ZNF737: variants seen among roughly 807,000 people sequenced by gnomAD.
The protein encoded by ZNF737 is zinc finger protein 737, also known as zinc finger protein 102 (Y3).
ZNF737 carries 13 observed loss-of-function variants against 11.7 expected under a neutral mutation model. That is an observed-to-expected ratio of 1.11 (90% CI 0.73 to 1.77). The LOEUF (loss-of-function observed/expected upper bound fraction) is 1.77. Among genes scored for constraint, ZNF737 ranks in the 40% most tolerant of loss-of-function variants. The pLI is 0.00. For missense variants in ZNF737, 636 were observed against 638.0 expected (o/e 1.00, Z 0.03); for synonymous variants, 217 against 216.2 (o/e 1.00, Z -0.03).
intron 3 of ZNF737, among the ~76,000 whole-genome samples, chr19:20,548,962 G>A (rs1167553002): frequency 5.6e-3 from 480 of 86,244 alleles, no homozygotes; most frequent in Admixed American, 6.4e-3. Context: ...AAGAAAAACT[G>A]AAAAAAAAAA....
At position 20,545,076 on chromosome 19, in the gene ZNF737, T is replaced by C; in HGVS notation, c.1127A>G (p.Lys376Arg). Residue 376 changes from lysine to arginine, a missense_variant, in exon 4 of 4, where the codon AAA (lysine) becomes AGA (arginine). Transcript: ENST00000427401. Reference protein sequence around the residue: ...EKPYKCEECGKAFNWSSHLTT... With the variant: ...EKPYKCEECGRAFNWSSHLTT... ...AAGGTGTGAGGACCAGTTGAAGGCT[T>C]TGCCACATTCTTCACATTTGTAGGG... 6.2e-7 allele frequency: 1 copy of C among 1,612,680 alleles called. No homozygotes were observed.
At chr19:20,563,543 T>C (rs1261150127) in intron 1 of ZNF737, among the ~76,000 whole-genome samples, 1 of 148,372 alleles carries the variant, frequency 6.7e-6, no homozygotes, top group Non-Finnish European at 1.5e-5. Flanking sequence ...TGGAGTTCAA[T>C]GGCATGATCT....
downstream of ZNF737, among the ~76,000 whole-genome samples, chr19:20,531,012 G>T (rs186497946): frequency 6.7e-6 from 1 of 148,194 alleles, no homozygotes; most frequent in East Asian, 2.0e-4. Context: ...GATCACTCGC[G>T]GTTAGGAGCT....
At chr19:20,557,265 G>A (rs1555761417) in intron 1 of ZNF737, among the ~76,000 whole-genome samples, 1 of 152,066 alleles carries the variant, frequency 6.6e-6, no homozygotes, top group Non-Finnish European at 1.5e-5. Flanking sequence ...GAAATTGTGA[G>A]CACCAGCTCT....
At chr19:20,549,917 G>A (rs1555757969) in intron 3 of ZNF737, among the ~76,000 whole-genome samples, 1 of 136,988 alleles carries the variant, frequency 7.3e-6, no homozygotes, top group East Asian at 2.1e-4. Flanking sequence ...GTGACAGAGT[G>A]TGACTCCATC....
At chr19:20,561,894 G>A (rs1472884865) in intron 1 of ZNF737, among the ~76,000 whole-genome samples, 1 of 152,200 alleles carries the variant, frequency 6.6e-6, no homozygotes, top group African/African-American at 2.4e-5. Flanking sequence ...AACCACTGCA[G>A]TGATGTTTAA....
At chr19:20,555,232 G>C (rs1175656943) in intron 1 of ZNF737, among the ~76,000 whole-genome samples, 1 of 150,926 alleles carries the variant, frequency 6.6e-6, no homozygotes. Flanking sequence ...GCCCAGGCTG[G>C]AGTGCAGTGG....
rs564905433 is a variant in ZNF737 at position 20,544,446 on chromosome 19, G to C, written c.*146C>G. The C allele has an allele frequency of 3.4e-6, 5 of 1,478,034 alleles. No homozygotes were observed. The highest frequency in any genetic ancestry group is 1.4e-5 in the African/African-American group (1 of 70,532). 91.6% of individuals were successfully genotyped at this position (1,478,034 alleles called of 1,614,324 possible). Reference sequence around the variant, plus strand: ...TATTTGTTGGGTTTCTTTCCCGCATGAATTATCTAATGTCTACTAAGGTTT... The same window carrying C: ...TATTTGTTGGGTTTCTTTCCCGCATCAATTATCTAATGTCTACTAAGGTTT... On this transcript the variant is annotated 3_prime_UTR_variant, in exon 4 of 4. Coordinates refer to ENST00000427401, the MANE Select transcript of ZNF737 (RefSeq NM_001159293.2).
chr19:20,531,772 A>G (rs573929709), downstream of ZNF737, among the ~76,000 whole-genome samples: 10 of 150,166 alleles, frequency 6.7e-5, no homozygotes, highest in Non-Finnish European at 8.9e-5. Context: ...ATTACTTTTT[A>G]TCTCACTATT....
rs1296015183 is a variant in ZNF737, at chr19:20,541,380, A to C, written c.*3212T>G. Reference sequence around the variant, plus strand: ...GTCTATGTGTTTGCAGGCAGAGACCACATGTTCAAGGAAAACTATATTACA... The same window carrying C: ...GTCTATGTGTTTGCAGGCAGAGACCCCATGTTCAAGGAAAACTATATTACA... On this transcript the variant is annotated 3_prime_UTR_variant, in exon 4 of 4. Coordinates refer to ENST00000427401, the MANE Select transcript of ZNF737 (RefSeq NM_001159293.2). 1 of 983,770 alleles carries C rather than the reference A, an allele frequency of 1.0e-6. No individual in the cohort carries two copies. The highest frequency in any genetic ancestry group is 1.2e-6 in the Non-Finnish European group (1 of 828,550). 60.9% of individuals were successfully genotyped at this position (983,770 alleles called of 1,614,324 possible).
downstream of ZNF737, among the ~76,000 whole-genome samples, chr19:20,532,655 G>A (rs144022638): frequency 6.7e-6 from 1 of 149,824 alleles, no homozygotes; most frequent in African/African-American, 2.5e-5. Context: ...TGGAACCTGG[G>A]TGTTTTTAAT....
At chr19:20,536,209 G>T (rs1967959417), downstream of ZNF737, 4 of 625,646 alleles carry the variant, frequency 6.4e-6, no homozygotes, top group Non-Finnish European at 8.0e-6. Context: ...GATTAATTTT[G>T]TTGATTTCTA....
intron 1 of ZNF737, among the ~76,000 whole-genome samples, chr19:20,554,153 A>G (rs1367808455): frequency 6.6e-6 from 1 of 152,218 alleles, no homozygotes; most frequent in Non-Finnish European, 1.5e-5. Flanking sequence ...TATTTTTCAG[A>G]TGACAAAGAC....
At chr19:20,533,699 C>T (rs1187633808), downstream of ZNF737, among the ~76,000 whole-genome samples, 6 of 150,026 alleles carry the variant, frequency 4.0e-5, no homozygotes, top group Non-Finnish European at 8.9e-5. Flanking sequence ...TCCAGGTGAG[C>T]AAATAAGGCC....
Position 20,543,792 on chromosome 19 carries a change from G to T in ZNF737, c.*800C>A. The T allele has an allele frequency of 1.0e-6, 1 of 985,426 alleles. No individual in the cohort carries two copies. Among genetic ancestry groups the T allele is most frequent in the Non-Finnish European group, 1.2e-6 (1 of 829,954 alleles). 61.0% of individuals were successfully genotyped at this position (985,426 alleles called of 1,614,324 possible). A position where few individuals can be genotyped will look rare whatever the true frequency, so the allele number is the denominator to read the frequency against. ...CAATGTCACATTTTTTAGCTTTGCG[G>T]ATTTCCTCTTCAACATGAATTATTG... On this transcript the variant is annotated 3_prime_UTR_variant, in exon 4 of 4. Coordinates refer to ENST00000427401, the MANE Select transcript of ZNF737 (RefSeq NM_001159293.2).
At chr19:20,550,218 T>C (rs1968614956) in intron 3 of ZNF737, among the ~76,000 whole-genome samples, 1 of 152,182 alleles carries the variant, frequency 6.6e-6, no homozygotes, top group Non-Finnish European at 1.5e-5. Flanking sequence ...AAGAAATATA[T>C]ATTTTGTAGA....
chr19:20,530,472 G>A, the ZNF737 span, among the ~76,000 whole-genome samples: 2 of 149,076 alleles, frequency 1.3e-5, 1 homozygote, highest in African/African-American at 5.0e-5. Flanking sequence ...CTTCCCAGAT[G>A]GGGTGGCAGC....
In ZNF737 at chr19:20,545,254, C is replaced by T; in HGVS notation, c.949G>A (p.Glu317Lys). Residue 317 changes from glutamate (E) to lysine (K), a missense_variant, in exon 4 of 4, where the codon GAA becomes AAA. Glu to Lys is a moderately conservative substitution (Grantham distance 56). Coordinates refer to ENST00000427401, the MANE Select transcript of ZNF737 (RefSeq NM_001159293.2). ...GGGTGCTTAAAGGCTTTGCCACATT[C>T]TTCACATTTGTAGGGTTTCTCTCCG... The part of the protein sequence containing the change: ...HSGEKPYKCE[E>K]CGKAFKHPSV... 6.2e-7 allele frequency: 1 copy of T among 1,613,786 alleles called. No homozygotes were observed. Among genetic ancestry groups the T allele is most frequent in the Non-Finnish European group, 8.5e-7 (1 of 1,179,912 alleles).
downstream of ZNF737, chr19:20,537,925 A>T (rs1461704290): frequency 9.1e-6 from 3 of 328,048 alleles, no homozygotes; most frequent in African/African-American, 6.7e-5. Flanking sequence ...TGGAATATTA[A>T]AATTTTTCAT....
Sources: allele counts gnomAD v4.1 joint callset (sites outside exome capture counted in the v4.1 genomes callset), GRCh38; gene constraint gnomAD v4.1.1; transcripts MANE v1.5; gene names NCBI Gene and HGNC (gene_info 2026-07-23, HGNC 2026-07-21).